The following ARSB variants were observed in gnomAD, a reference collection of about 807,000 sequenced individuals.
ARSB encodes the protein arylsulfatase B.
In ARSB, 41 loss-of-function variants were observed where a neutral mutation model predicts 50.9. The ratio of observed to expected loss-of-function variants is 0.81; its 90% CI spans 0.63 to 1.04. The LOEUF (loss-of-function observed/expected upper bound fraction) is 1.04, where lower values mean the gene tolerates loss of function less well. Ranked by LOEUF, ARSB falls within the 50% of genes least tolerant of loss-of-function variation. The pLI is 0.00. For synonymous variants in ARSB, 269 were observed against 284.8 expected (o/e 0.94, Z 0.56); for missense variants, 672 against 693.3 (o/e 0.97, Z 0.35).
At chr5:78,835,939 G>A (rs1216297339) in intron 6 of ARSB, among the ~76,000 whole-genome samples, 1 of 152,148 alleles carries the variant, frequency 6.6e-6, no homozygotes, top group Admixed American at 6.6e-5. Flanking sequence ...ATGCTTCTGT[G>A]ATAACACTGA....
At chr5:78,905,279 G>T (rs1749000576) in intron 4 of ARSB, among the ~76,000 whole-genome samples, 1 of 150,826 alleles carries the variant, frequency 6.6e-6, no homozygotes, top group African/African-American at 2.4e-5. Context: ...CATCTCAAAT[G>T]AGCTCATCAC....
chr5:78,956,110 G>A (rs1459339793), intron 3 of ARSB, among the ~76,000 whole-genome samples: 1 of 152,094 alleles, frequency 6.6e-6, no homozygotes, highest in Non-Finnish European at 1.5e-5. Flanking sequence ...TAGCCAAAGA[G>A]TAGAAACAAC....
intron 6 of ARSB, among the ~76,000 whole-genome samples, chr5:78,806,729 G>A (rs1162298434): frequency 1.3e-5 from 2 of 152,106 alleles, no homozygotes; most frequent in East Asian, 1.9e-4. Flanking sequence ...CAACTTCATC[G>A]TCTCCATACT....
At chr5:78,900,446 C>G (rs547350460) in intron 4 of ARSB, among the ~76,000 whole-genome samples, 1 of 152,100 alleles carries the variant, frequency 6.6e-6, no homozygotes, top group Non-Finnish European at 1.5e-5. Context: ...TTCACTTTTT[C>G]CAGTGTAAAA....
intron 1 of ARSB, among the ~76,000 whole-genome samples, chr5:78,975,547 G>A (rs907201834): frequency 5.9e-5 from 9 of 152,192 alleles, no homozygotes. Context: ...GGTTTATGGA[G>A]TTCTGGTGGA....
intron 5 of ARSB, among the ~76,000 whole-genome samples, chr5:78,874,661 T>C (rs1015242351): frequency 6.6e-6 from 1 of 152,034 alleles, no homozygotes; most frequent in Non-Finnish European, 1.5e-5. Context: ...TAAAAATATT[T>C]ATAAATATGT....
chr5:78,813,665 GA>G (rs1743892792), intron 6 of ARSB, among the ~76,000 whole-genome samples: 2 of 152,094 alleles, frequency 1.3e-5, no homozygotes, highest in South Asian at 4.1e-4. Flanking sequence ...GCTGAGGTGG[GA>G]GGATCACTTG....
chr5:78,964,949 T>C (rs1752144485), intron 2 of ARSB, among the ~76,000 whole-genome samples: 1 of 152,194 alleles, frequency 6.6e-6, no homozygotes, highest in African/African-American at 2.4e-5. Flanking sequence ...ACAGTTAATG[T>C]GACTTGTTAC....
intron 6 of ARSB, among the ~76,000 whole-genome samples, chr5:78,798,535 A>G (rs1743264068): frequency 1.3e-5 from 2 of 152,246 alleles, no homozygotes; most frequent in East Asian, 3.9e-4. Context: ...GTGCAATCCC[A>G]ACCACAAAGC....
At chr5:78,974,282 G>C (rs1360183853) in intron 1 of ARSB, among the ~76,000 whole-genome samples, 1 of 152,158 alleles carries the variant, frequency 6.6e-6, no homozygotes, top group South Asian at 2.1e-4. Context: ...TTCAGGACTC[G>C]GGCTGCAGAA....
At chr5:78,813,973 CCAAA>C (rs1488509277) in intron 6 of ARSB, among the ~76,000 whole-genome samples, 2 of 151,712 alleles carry the variant, frequency 1.3e-5, no homozygotes, top group East Asian at 3.9e-4. Flanking sequence ...AACACAAGTA[CCAAA>C]CAGTCTCCAA....
chr5:78,822,730 C>T (rs781132012), intron 6 of ARSB, among the ~76,000 whole-genome samples: 70 of 152,118 alleles, frequency 4.6e-4, no homozygotes, highest in Non-Finnish European at 4.0e-4. Flanking sequence ...CTCTGCCTTC[C>T]GGGTTCACGC....
intron 5 of ARSB, among the ~76,000 whole-genome samples, chr5:78,852,303 C>T (rs1745844435): frequency 6.6e-6 from 1 of 152,066 alleles, no homozygotes; most frequent in Non-Finnish European, 1.5e-5. Context: ...TTTTATTTCT[C>T]CTTCACTTAT....
At chr5:78,925,092 G>A (rs574813967) in intron 4 of ARSB, among the ~76,000 whole-genome samples, 30 of 152,108 alleles carry the variant, frequency 2.0e-4, no homozygotes, top group Admixed American at 1.1e-3. Context: ...TTGAGACTTG[G>A]AACACCTTAT....
chr5:78,955,142 A>G (rs1580121243), intron 4 of ARSB, among the ~76,000 whole-genome samples, 153 bp downstream of exon 4: 1 of 152,246 alleles, frequency 6.6e-6, no homozygotes, highest in Non-Finnish European at 1.5e-5. Flanking sequence ...CCTTAGATAT[A>G]TCTTTCCATC....
At chr5:78,827,037 G>C (rs887336045) in intron 6 of ARSB, among the ~76,000 whole-genome samples, 5 of 152,130 alleles carry the variant, frequency 3.3e-5, no homozygotes, top group Non-Finnish European at 7.4e-5. Context: ...ACCTAGAACA[G>C]AGTCCAGATA....
chr5:78,784,315 C>A (rs759809057), intron 6 of ARSB, among the ~76,000 whole-genome samples: 2 of 152,228 alleles, frequency 1.3e-5, no homozygotes, highest in Non-Finnish European at 2.9e-5. Context: ...AATCCCACCA[C>A]TAGGTATTTA....
At chr5:78,957,806 T>C (rs999661621) in intron 3 of ARSB, among the ~76,000 whole-genome samples, 2 of 151,996 alleles carry the variant, frequency 1.3e-5, no homozygotes, top group Non-Finnish European at 2.9e-5. Context: ...AACGTGCAGG[T>C]GCATCGCTGA....
At chr5:78,883,749 G>A (rs941638343) in intron 5 of ARSB, 1 of 152,186 alleles carries the variant, frequency 6.6e-6, no homozygotes, top group Non-Finnish European at 1.5e-5. Flanking sequence ...TCCACGTTGT[G>A]AGAGGTTGAG....
Sources: allele counts gnomAD v4.1 joint callset (sites outside exome capture counted in the v4.1 genomes callset), GRCh38; gene constraint gnomAD v4.1.1; transcripts MANE v1.5; gene names NCBI Gene and HGNC (gene_info 2026-07-23, HGNC 2026-07-21).